MRC2: variants seen among roughly 807,000 people sequenced by gnomAD.
The protein encoded by MRC2 is C-type mannose receptor 2.
In MRC2, 84 loss-of-function variants were observed where a neutral mutation model predicts 206.2. The observed-to-expected ratio is 0.41, with a 90% CI of 0.34 to 0.49. The LOEUF is 0.49. MRC2 is among the 20% of genes least tolerant of loss of function. MRC2 has a pLI of 0.31. For synonymous variants in MRC2, 798 were observed against 800.0 expected, an observed-to-expected ratio of 1.00 and a Z score of 0.04; for missense variants, 1,676 against 2,001.5, an observed-to-expected ratio of 0.84 and a Z score of 3.10.
chr17:62,667,233 C>G lies in MRC2; in HGVS notation c.974-157C>G, dbSNP rs1381476317. ...CCAGGTTAGAAAGCGCGGAGGACCC[C>G]GTGGTCTGGGGCGGAGCTGGAGCTG... On this transcript the variant is annotated intron_variant, in intron 5 of 29. Coordinates refer to ENST00000303375, the MANE Select transcript of MRC2 (RefSeq NM_006039.5). The surrounding 1 kb of genome is among the most constrained non-coding windows in gnomAD (Gnocchi z 4.1). Among the ~76,000 whole-genome samples, 7 of 152,096 alleles carry G rather than the reference C, an allele frequency of 4.6e-5. No homozygotes were observed. The highest frequency in any genetic ancestry group is 6.6e-5 in the Admixed American group (1 of 15,264).
intron 1 of MRC2, among the ~76,000 whole-genome samples, chr17:62,632,761 C>T (rs956584079): frequency 3.9e-5 from 6 of 152,132 alleles, no homozygotes; most frequent in African/African-American, 1.2e-4. Context: ...GTGACAAATC[C>T]CAGATTGGAT....
chr17:62,669,719 G>C (rs1173157938), intron 6 of MRC2, among the ~76,000 whole-genome samples: 1 of 150,450 alleles, frequency 6.6e-6, no homozygotes, highest in East Asian at 2.0e-4. Flanking sequence ...ACCACGCCCG[G>C]CTAATTTTTT....
chr17:62,674,519 C>T (rs2088866118), intron 9 of MRC2, among the ~76,000 whole-genome samples: 2 of 152,216 alleles, frequency 1.3e-5, no homozygotes, highest in East Asian at 1.9e-4. Flanking sequence ...CAGTGGCTGC[C>T]GAAGTGAAGT....
chr17:62,658,911 G>A (rs1391256955), intron 1 of MRC2, among the ~76,000 whole-genome samples: 1 of 152,200 alleles, frequency 6.6e-6, no homozygotes, highest in Admixed American at 6.5e-5. Flanking sequence ...CTGGTTTCTG[G>A]TTTCTGGTGG....
chr17:62,642,057 C>G (rs774316321), intron 1 of MRC2, among the ~76,000 whole-genome samples: 1 of 152,130 alleles, frequency 6.6e-6, no homozygotes, highest in Non-Finnish European at 1.5e-5. Context: ...AGAAATAGAG[C>G]GGATGCAATT....
Position 62,666,977 on chromosome 17 carries a change from G to T in MRC2, c.973+107G>T. On this transcript the variant is annotated intron_variant, in intron 5 of 29. Transcript: ENST00000303375. This position sits in a 1 kb window ranked among gnomAD's most constrained non-coding sequence, Gnocchi z 5.0. The stretch of plus-strand genomic sequence containing the variant: ...CTCCTGCAGAGGGGCAGTGTGGGTA[G>T]GGGAAGCACCGACCTCCACCCCCCT... 1.1e-6 allele frequency: 1 copy of T among 877,844 alleles called. No individual in the cohort carries two copies. Among genetic ancestry groups the T allele is most frequent in the Admixed American group, 2.2e-5 (1 of 45,080 alleles). The allele number at this position is 877,844 out of a possible 1,614,324, so 54.4% of individuals were successfully genotyped here. A position where few individuals can be genotyped will look rare whatever the true frequency, so the allele number is the denominator to read the frequency against.
At chr17:62,677,245 G>C in intron 11 of MRC2, 24 bp from the exon 12 acceptor site, 1 of 1,546,334 alleles carries the variant, frequency 6.5e-7, no homozygotes, top group Middle Eastern at 1.7e-4. Context: ...CTCAGAGCCT[G>C]GGTCTCCCTT....
Position 62,675,958 on chromosome 17 carries a change from G to C in MRC2, c.1685+53G>C. The C allele has an allele frequency of 6.7e-7, 1 of 1,492,952 alleles. No homozygotes were observed. The highest frequency in any genetic ancestry group is 9.3e-7 in the Non-Finnish European group (1 of 1,072,238). The allele number at this position is 1,492,952 out of a possible 1,614,324, so 92.5% of individuals were successfully genotyped here. The stretch of plus-strand genomic sequence containing the variant: ...GCCCTTGCCCATGTCTGGGCCTATT[G>C]TGGTCCCTTCAGCAAACAGGGTAGC... On this transcript the variant is annotated intron_variant, in intron 10 of 29. Coordinates refer to ENST00000303375, the MANE Select transcript of MRC2 (RefSeq NM_006039.5). This position sits in a 1 kb window ranked among gnomAD's most constrained non-coding sequence, Gnocchi z 4.1.
In MRC2 at chr17:62,680,394, A is replaced by G. The variant is rs1405145971; in HGVS notation, c.2438-24A>G. 3.7e-6 allele frequency: 6 copies of G among 1,613,910 alleles called. No individual in the cohort carries two copies. Among genetic ancestry groups the G allele is most frequent in the Admixed American group, 3.3e-5 (2 of 59,992 alleles). On this transcript the variant is annotated intron_variant, in intron 15 of 29. Coordinates refer to ENST00000303375, the MANE Select transcript of MRC2 (RefSeq NM_006039.5). The surrounding 1 kb of genome is among the most constrained non-coding windows in gnomAD (Gnocchi z 4.8). ...CCAGGGAGGGTCTCCTTTCCTCACA[A>G]CGTCTTTGTCCTTGTTCCCCTAGGT...
At chr17:62,642,844 A>G (rs1012286230) in intron 1 of MRC2, among the ~76,000 whole-genome samples, 1 of 152,142 alleles carries the variant, frequency 6.6e-6, no homozygotes, top group Admixed American at 6.5e-5. Context: ...GCCAAAAACT[A>G]AAAACTAGTG....
chr17:62,641,655 T>C (rs1453083781), intron 1 of MRC2, among the ~76,000 whole-genome samples: 1 of 152,134 alleles, frequency 6.6e-6, no homozygotes, highest in Non-Finnish European at 1.5e-5. Flanking sequence ...AATTATAGAA[T>C]AGACACAATG....
In MRC2 at chr17:62,667,509, G is replaced by A. The variant is rs755330419; in HGVS notation, c.1093G>A (p.Ala365Thr). ...CTATGTGTGCAAGAAGAAGCCCAAC[G>A]CCACGGCCGAGCCCACCCCTCCAGG... is the stretch of plus-strand genomic sequence containing the variant. The part of the protein sequence containing the change: ...LPYVCKKKPN[A>T]TAEPTPPDRW... The change falls in exon 6 of 30, where the codon GCC becomes ACC. Residue 365 changes from alanine (A) to threonine (T), a missense_variant. Around this residue, in one of 3 missense-constraint regions of MRC2, gnomAD observed 1,354 missense variants for 1,636.6 expected, o/e 0.83. Coordinates refer to ENST00000303375, the MANE Select transcript of MRC2 (RefSeq NM_006039.5). The surrounding 1 kb of genome is among the most constrained non-coding windows in gnomAD (Gnocchi z 4.1). 26 of 1,611,150 alleles carry A rather than the reference G, an allele frequency of 1.6e-5. No individual in the cohort carries two copies. The East Asian group carries it at 2.9e-4, about 18-fold the overall frequency.
chr17:62,657,220 T>G (rs186471769), intron 1 of MRC2, among the ~76,000 whole-genome samples: 201 of 152,312 alleles, frequency 1.3e-3, no homozygotes, highest in African/African-American at 4.6e-3. Flanking sequence ...CATGTCTTCA[T>G]TGTAGAGCCC....
Position 62,690,613 on chromosome 17 carries a change from G to T in MRC2, c.3893-29G>T, listed in dbSNP as rs4968626. ...CTCTGCCCCCCCCGGAGACCCATCC[G>T]CCCTGACGTGGGCCTTCTTTGCATC... On this transcript the variant is annotated intron_variant, in intron 26 of 29. Coordinates refer to ENST00000303375, the MANE Select transcript of MRC2 (RefSeq NM_006039.5). 6,315 of 1,573,220 alleles carry T rather than the reference G, an allele frequency of 4.0e-3. 130 individuals are homozygous for T. Among genetic ancestry groups the T allele is most frequent in the East Asian group, 0.04 (1,760 of 44,422 alleles).
At chr17:62,674,269 C>G (rs571992655) in intron 9 of MRC2, 99 bp downstream of exon 9, 1 of 848,504 alleles carries the variant, frequency 1.2e-6, no homozygotes, top group African/African-American at 1.7e-5. Context: ...CGCATGGCAT[C>G]GCCCTCTCGT....
chr17:62,677,189 C>A, intron 11 of MRC2, 80 bp from the exon 12 acceptor site: 1 of 1,238,406 alleles, frequency 8.1e-7, no homozygotes, highest in Non-Finnish European at 1.1e-6. Flanking sequence ...GAGGGCCGTG[C>A]TAGTGCCCTG....
At chr17:62,647,181 TTTTTC>T (rs2088499414) in intron 1 of MRC2, among the ~76,000 whole-genome samples, 1 of 93,208 alleles carries the variant, frequency 1.1e-5, no homozygotes, top group South Asian at 3.6e-4. Flanking sequence ...TCATTTTTTC[TTTTTC>T]TTTTTTTTTT....
chr17:62,685,610 A>G (rs1258591577), intron 20 of MRC2, among the ~76,000 whole-genome samples: 5 of 152,074 alleles, frequency 3.3e-5, no homozygotes, highest in Non-Finnish European at 7.4e-5. Context: ...ATCATGGCTT[A>G]CTTACTGCAG....
At chr17:62,670,235 C>A (rs2088810992) in intron 6 of MRC2, among the ~76,000 whole-genome samples, 1 of 152,234 alleles carries the variant, frequency 6.6e-6, no homozygotes, top group Admixed American at 6.5e-5. Context: ...GCAGGCGCCC[C>A]GTCGTGTCCC....
Sources: allele counts gnomAD v4.1 joint callset (sites outside exome capture counted in the v4.1 genomes callset), GRCh38; gene constraint gnomAD v4.1.1; regional missense constraint gnomAD v4.1.1; non-coding constraint Gnocchi (gnomAD v3.1); transcripts MANE v1.5; gene names NCBI Gene and HGNC (gene_info 2026-07-23, HGNC 2026-07-21).